The following TNFRSF19 variants were observed in gnomAD, a reference collection of about 807,000 sequenced individuals.
TNFRSF19 encodes the protein TNF receptor superfamily member 19, also known as tumor necrosis factor receptor superfamily member 19.
Under a neutral mutation model 46.4 loss-of-function variants are expected in TNFRSF19, and 27 were observed. The ratio of observed to expected loss-of-function variants is 0.58; its 90% CI spans 0.43 to 0.80. The LOEUF (loss-of-function observed/expected upper bound fraction) is 0.80. TNFRSF19 is among the 30% of genes least tolerant of loss of function. The probability of loss-of-function intolerance (pLI) is 0.00; values close to 1 mark genes in which losing one functional copy is unlikely to be tolerated. For missense variants in TNFRSF19, 511 were observed against 530.8 expected, an observed-to-expected ratio of 0.96 and a Z score of 0.37; for synonymous variants, 204 against 205.0, an observed-to-expected ratio of 1.00 and a Z score of 0.04.
chr13:23,598,915 C>T (rs1235270715), intron 3 of TNFRSF19, among the ~76,000 whole-genome samples: 7 of 152,140 alleles, frequency 4.6e-5, no homozygotes, highest in Admixed American at 4.6e-4. Context: ...GTCCTTTTCC[C>T]CTACAGACTG....
chr13:23,661,989 T>A (rs1473833786), intron 7 of TNFRSF19, among the ~76,000 whole-genome samples: 1 of 152,240 alleles, frequency 6.6e-6, no homozygotes, highest in Non-Finnish European at 1.5e-5. Flanking sequence ...GTAGGTTGTC[T>A]GTTTACTCTG....
intron 4 of TNFRSF19, among the ~76,000 whole-genome samples, chr13:23,622,832 G>A (rs995415459): frequency 3.3e-5 from 5 of 152,008 alleles, no homozygotes; most frequent in South Asian, 2.1e-4. Context: ...GCAAGTTTTC[G>A]GGGTGAAAAG....
intron 1 of TNFRSF19, chr13:23,579,365 C>G (rs1257302080): frequency 6.6e-6 from 1 of 152,542 alleles, no homozygotes; most frequent in Non-Finnish European, 1.5e-5. Flanking sequence ...CGGCCGTTGC[C>G]GGGCTACGGG....
chr13:23,575,598 A>G (rs541169120), intron 1 of TNFRSF19, among the ~76,000 whole-genome samples: 166 of 152,286 alleles, frequency 1.1e-3, no homozygotes, highest in Non-Finnish European at 6.0e-4. Flanking sequence ...TCTTAACTGT[A>G]TTTGGAAAAC....
At chr13:23,638,952 A>G (rs1461688640) in intron 5 of TNFRSF19, among the ~76,000 whole-genome samples, 1 of 152,158 alleles carries the variant, frequency 6.6e-6, no homozygotes, top group Non-Finnish European at 1.5e-5. Context: ...AAAACTCTTC[A>G]TGTCTTTATC....
At chr13:23,578,823 C>A (rs1340202407) in intron 1 of TNFRSF19, among the ~76,000 whole-genome samples, 1 of 152,238 alleles carries the variant, frequency 6.6e-6, no homozygotes, top group Non-Finnish European at 1.5e-5. Context: ...CCTTCCGCTG[C>A]GAGGGTGCGG....
intron 5 of TNFRSF19, among the ~76,000 whole-genome samples, chr13:23,640,821 G>A (rs1882996661): frequency 6.6e-6 from 1 of 152,270 alleles, no homozygotes; most frequent in Non-Finnish European, 1.5e-5. Flanking sequence ...AAAAACATAG[G>A]TCCAAGGAAA....
chr13:23,626,187 C>CTGTGTGTGTGTGTGTGTGTGTGTG lies in TNFRSF19; in HGVS notation c.360-507_360-484dup, dbSNP rs35509472. Reference sequence around the variant, plus strand: ...TTTGCCCTTCAGATTTCTTTAAAATCTGTGTGTGTGTGTGTGTGTGTGTGT... The same window carrying CTGTGTGTGTGTGTGTGTGTGTGTG: ...TTTGCCCTTCAGATTTCTTTAAAATCTGTGTGTGTGTGTGTGTGTGTGTGTGTGTGTGTGTGTGTGTGTGTGTGT... On this transcript the variant is annotated intron_variant, in intron 4 of 9. Transcript: ENST00000248484. Among the ~76,000 whole-genome samples the CTGTGTGTGTGTGTGTGTGTGTGTG allele has an allele frequency of 4.8e-5, 7 of 145,468 alleles. 1 individual carries two copies. The highest frequency in any genetic ancestry group is 1.8e-4 in the African/African-American group (7 of 38,940).
At chr13:23,658,615 G>T (rs1250112864) in intron 5 of TNFRSF19, among the ~76,000 whole-genome samples, 1 of 152,126 alleles carries the variant, frequency 6.6e-6, no homozygotes, top group African/African-American at 2.4e-5. Context: ...CCCTAAAGTT[G>T]CCCCAAAAAG....
At chr13:23,589,254 A>G (rs190280549) in intron 1 of TNFRSF19, among the ~76,000 whole-genome samples, 17 of 152,276 alleles carry the variant, frequency 1.1e-4, no homozygotes, top group Admixed American at 1.1e-3. Flanking sequence ...AAAAACAGCC[A>G]GATTTGGTTC....
At chr13:23,580,813 C>G (rs79790539) in intron 1 of TNFRSF19, among the ~76,000 whole-genome samples, 1,761 of 152,318 alleles carry the variant, frequency 0.012, 35 homozygotes, top group African/African-American at 0.04. Context: ...ACAATATAGC[C>G]TTGGCATCAA....
intron 5 of TNFRSF19, among the ~76,000 whole-genome samples, chr13:23,647,522 C>G (rs545366831): frequency 6.6e-6 from 1 of 152,150 alleles, no homozygotes. Context: ...CCTGTCTCAG[C>G]CTCCCGAGTA....
chr13:23,573,579 T>G (rs1315659178), intron 1 of TNFRSF19, among the ~76,000 whole-genome samples: 2 of 152,196 alleles, frequency 1.3e-5, no homozygotes, highest in Admixed American at 6.5e-5. Context: ...GCCAGTGGCA[T>G]CCAAAAACAG....
intron 5 of TNFRSF19, among the ~76,000 whole-genome samples, chr13:23,629,624 C>T (rs188677839): frequency 1.2e-4 from 19 of 152,314 alleles, no homozygotes; most frequent in Admixed American, 2.6e-4. Context: ...ATCTTGGCTG[C>T]GCTTTGTACT....
At chr13:23,598,431 C>CT (rs777381376) in intron 3 of TNFRSF19, among the ~76,000 whole-genome samples, 20 of 152,148 alleles carry the variant, frequency 1.3e-4, no homozygotes, top group Non-Finnish European at 2.9e-4. Flanking sequence ...ATGAATGCTA[C>CT]TACTTACTGG....
intron 3 of TNFRSF19, among the ~76,000 whole-genome samples, chr13:23,607,774 A>G (rs1880615847): frequency 1.3e-5 from 2 of 152,166 alleles, no homozygotes; most frequent in Non-Finnish European, 2.9e-5. Flanking sequence ...TCTGTCCTCC[A>G]GTCCATCTGT....
intron 4 of TNFRSF19, among the ~76,000 whole-genome samples, chr13:23,622,354 A>G (rs1881722223): frequency 6.6e-6 from 1 of 152,040 alleles, no homozygotes; most frequent in African/African-American, 2.4e-5. Flanking sequence ...GGTTGCAGTG[A>G]GCTGAGATCA....
Position 23,615,992 on chromosome 13 carries a change from G to T in TNFRSF19, c.306G>T (p.Gln102His). 6.2e-7 allele frequency: 1 copy of T among 1,613,146 alleles called. No individual in the cohort carries two copies. Among genetic ancestry groups the T allele is most frequent in the Middle Eastern group, 1.7e-4 (1 of 6,054 alleles). ...CLDCAVVNRF[Q>H]KANCSATSDA... is the part of the protein sequence containing the mutation. ...ACTGCGCAGTGGTGAACCGCTTTCA[G>T]AAGGCAAATTGTTCAGCCACCAGTG... The change falls in exon 4 of 10, where the codon CAG (glutamine) becomes CAT (histidine). Residue 102 changes from glutamine to histidine, a missense_variant. Around this residue, in one of 3 missense-constraint regions of TNFRSF19, gnomAD observed 121 missense variants for 124.1 expected, o/e 0.98. Transcript: ENST00000248484.
intron 1 of TNFRSF19, among the ~76,000 whole-genome samples, chr13:23,574,309 C>A (rs1243728524): frequency 6.6e-6 from 1 of 151,990 alleles, no homozygotes; most frequent in Non-Finnish European, 1.5e-5. Flanking sequence ...ATAACATGTG[C>A]AAGATTATAG....
Sources: gnomAD v4.1 joint callset for allele counts (sites outside exome capture counted in the v4.1 genomes callset) on GRCh38, gnomAD v4.1.1 for gene constraint, gnomAD v4.1.1 regional missense constraint, MANE v1.5 for transcripts, NCBI Gene and HGNC (gene_info 2026-07-23, HGNC 2026-07-21) for gene names.